The following KISS1 variants were observed in gnomAD, a reference collection of about 807,000 sequenced individuals.
The protein encoded by KISS1 is metastasis-suppressor KiSS-1.
For missense variants in KISS1, 182 were observed against 182.7 expected, an observed-to-expected ratio of 1.00 and a Z score of 0.02; for synonymous variants, 97 against 88.7, an observed-to-expected ratio of 1.09 and a Z score of -0.52.
At chr1:204,195,738 CACACACACACACACAG>C (rs1273530554) in intron 1 of KISS1, among the ~76,000 whole-genome samples, 1 of 146,756 alleles carries the variant, frequency 6.8e-6, no homozygotes, top group Non-Finnish European at 1.5e-5. Flanking sequence ...CACACACACA[CACACACACACACACAG>C]ATTCCACTGC....
chr1:204,190,431 C>CCCCA lies in KISS1; in HGVS notation c.*52_*53insTGGG. The CCCCA allele has an allele frequency of 1.8e-6, 2 of 1,130,780 alleles. No homozygotes were observed. The highest frequency in any genetic ancestry group is 2.6e-6 in the Non-Finnish European group (2 of 780,980). The allele number at this position is 1,130,780 out of a possible 1,614,324, so 70.0% of individuals were successfully genotyped here. ...ACGTCCCCGCCCCCCGCCCCCGCCCCGCATGCTCTGACTCCTTTGGGGTCT... is the reference window on the plus strand; with the variant it reads ...ACGTCCCCGCCCCCCGCCCCCGCCCCCCCAGCATGCTCTGACTCCTTTGGGGTCT... On this transcript the variant is annotated 3_prime_UTR_variant, in exon 3 of 3. Coordinates refer to ENST00000367194, the MANE Select transcript of KISS1 (RefSeq NM_002256.4).
chr1:204,190,536 C>T lies in KISS1; in HGVS notation c.365G>A (p.Gly122Asp). The T allele has an allele frequency of 6.2e-7, 1 of 1,609,084 alleles. No homozygotes were observed. Among genetic ancestry groups the T allele is most frequent in the South Asian group, 1.1e-5 (1 of 90,204 alleles). ...GTTCCCTGGTGCCGCCTCCCGCTTG[C>T]CGAAGCGCAGGCCGAAGGAGTTCCA... is the stretch of plus-strand genomic sequence containing the variant. ...YNWNSFGLRFGKREAAPGNHG... is the reference protein window; with the variant it reads ...YNWNSFGLRFDKREAAPGNHG... The change falls in exon 3 of 3, where the codon GGC (glycine) becomes GAC (aspartate). Residue 122 changes from glycine (G) to aspartate (D), a missense_variant. Gly to Asp is a moderately conservative substitution (Grantham distance 94, BLOSUM62 -1). Coordinates refer to ENST00000367194, the MANE Select transcript of KISS1 (RefSeq NM_002256.4).
In KISS1 at chr1:204,190,716, G is replaced by C; in HGVS notation, c.185C>G (p.Ala62Gly). ...PCTERKPAAT[A>G]RLSRRGTSLS... Reference sequence around the variant, plus strand: ...CGAGGTCCCCCGACGGCTCAGCCTGGCAGTAGCAGCTGGCTTCCTCTCGGT... The same window carrying C: ...CGAGGTCCCCCGACGGCTCAGCCTGCCAGTAGCAGCTGGCTTCCTCTCGGT... Residue 62 changes from alanine (A) to glycine (G), a missense_variant, in exon 3 of 3, where the codon GCC (alanine) becomes GGC (glycine). Coordinates refer to ENST00000367194, the MANE Select transcript of KISS1 (RefSeq NM_002256.4). The C allele has an allele frequency of 1.2e-6, 2 of 1,608,556 alleles. No homozygotes were observed. Among genetic ancestry groups the C allele is most frequent in the Middle Eastern group, 1.7e-4 (1 of 6,036 alleles).
intron 1 of KISS1, among the ~76,000 whole-genome samples, chr1:204,194,656 G>A (rs1658802466): frequency 1.3e-5 from 2 of 152,320 alleles, no homozygotes; most frequent in African/African-American, 4.8e-5. Flanking sequence ...GAATCCACAA[G>A]GGGATATGGG....
intron 1 of KISS1, among the ~76,000 whole-genome samples, chr1:204,194,236 C>T (rs1658797283): frequency 6.6e-6 from 1 of 152,204 alleles, no homozygotes; most frequent in Non-Finnish European, 1.5e-5. Flanking sequence ...ATCTCCAGAC[C>T]TCATTGGTCC....
In KISS1 at chr1:204,192,942, A is replaced by G; in HGVS notation, c.-38-28T>C. 9.0e-7 allele frequency: 1 copy of G among 1,113,888 alleles called. No individual in the cohort carries two copies. The highest frequency in any genetic ancestry group is 1.3e-6 in the Non-Finnish European group (1 of 750,216). The allele number at this position is 1,113,888 out of a possible 1,614,324, so 69.0% of individuals were successfully genotyped here. A position where few individuals can be genotyped will look rare whatever the true frequency, so the allele number is the denominator to read the frequency against. On this transcript the variant is annotated intron_variant, in intron 1 of 2. Transcript: ENST00000367194. The surrounding 1 kb of genome is among the most constrained non-coding windows in gnomAD (Gnocchi z 4.2). ...GAGACAGAGAGAGGGAACAAAGACTAGGTCAGGCACAGGATCTGGGCTGGG... is the reference window on the plus strand; with the variant it reads ...GAGACAGAGAGAGGGAACAAAGACTGGGTCAGGCACAGGATCTGGGCTGGG...
At position 204,190,841 on chromosome 1, in the gene KISS1, G is replaced by C. The variant is rs565996284; in HGVS notation, c.104-44C>G. 34 of 1,537,560 alleles carry C rather than the reference G, an allele frequency of 2.2e-5. No individual in the cohort carries two copies. In the South Asian group the frequency reaches 3.4e-4, roughly 15 times the overall value. On this transcript the variant is annotated intron_variant, in intron 2 of 2. Coordinates refer to ENST00000367194, the MANE Select transcript of KISS1 (RefSeq NM_002256.4). ...AAAGATGAGGCCGGGGTCCGGGAAA[G>C]ATGGCTTTGCAACACCTCCTGTCAT...
At chr1:204,193,695 C>CT (rs1482935902) in intron 1 of KISS1, among the ~76,000 whole-genome samples, 1 of 152,056 alleles carries the variant, frequency 6.6e-6, no homozygotes, top group Non-Finnish European at 1.5e-5. Flanking sequence ...TTTGTGGACT[C>CT]TAAGAGGCTA....
Position 204,190,409 on chromosome 1 carries a change from T to TCCCCCCCCCCCCCCCCCCCCCCCCCCCC in KISS1, c.*74_*75insGGGGGGGGGGGGGGGGGGGGGGGGGGGG. 7.0e-6 allele frequency: 4 copies of TCCCCCCCCCCCCCCCCCCCCCCCCCCCC among 570,138 alleles called. No homozygotes were observed. The highest frequency in any genetic ancestry group is 1.6e-5 in the South Asian group (1 of 62,526). The allele number at this position is 570,138 out of a possible 1,614,324, so 35.3% of individuals were successfully genotyped here. ...CAGCGCCCCCTCCCTTAGCCCTACG[T>TCCCCCCCCCCCCCCCCCCCCCCCCCCCC]CCCCGCCCCCCGCCCCCGCCCCGCA... On this transcript the variant is annotated 3_prime_UTR_variant, in exon 3 of 3. Transcript: ENST00000367194.
rs1387928874 is a variant in KISS1 at position 204,192,363 on chromosome 1, AG to A, written c.103+410del. On this transcript the variant is annotated intron_variant, in intron 2 of 2. Coordinates refer to ENST00000367194, the MANE Select transcript of KISS1 (RefSeq NM_002256.4). The surrounding 1 kb of genome is among the most constrained non-coding windows in gnomAD (Gnocchi z 4.2). ...AGTTCATTGTCTCCAAAAGGTTAAT[AG>A]GTATCAAATATCTGCCCTTTGGTTT... is the stretch of plus-strand genomic sequence containing the variant. 6.6e-6 allele frequency among the ~76,000 whole-genome samples: 1 copy of A among 150,606 alleles called. No individual in the cohort carries two copies. The highest frequency in any genetic ancestry group is 1.5e-5 in the Non-Finnish European group (1 of 67,856).
At chr1:204,195,648 C>T (rs1270924478) in intron 1 of KISS1, among the ~76,000 whole-genome samples, 1 of 150,950 alleles carries the variant, frequency 6.6e-6, no homozygotes, top group Non-Finnish European at 1.5e-5. Context: ...CACACACATA[C>T]ACCACATACA....
In KISS1 at chr1:204,190,430, C is replaced by CCCCCCCG; in HGVS notation, c.*53_*54insCGGGGGG. 1 of 1,079,960 alleles carries CCCCCCCG rather than the reference C, an allele frequency of 9.3e-7. No individual in the cohort carries two copies. Among genetic ancestry groups the CCCCCCCG allele is most frequent in the Non-Finnish European group, 1.4e-6 (1 of 735,304 alleles). 66.9% of individuals were successfully genotyped at this position (1,079,960 alleles called of 1,614,324 possible). On this transcript the variant is annotated 3_prime_UTR_variant, in exon 3 of 3. Transcript: ENST00000367194. ...TACGTCCCCGCCCCCCGCCCCCGCC[C>CCCCCCCG]CGCATGCTCTGACTCCTTTGGGGTC... is the stretch of plus-strand genomic sequence containing the variant.
chr1:204,194,837 T>C (rs926465144), intron 1 of KISS1, among the ~76,000 whole-genome samples: 1 of 152,036 alleles, frequency 6.6e-6, no homozygotes, highest in Non-Finnish European at 1.5e-5. Context: ...TCAGGCCCTC[T>C]AGCTAGACAA....
rs1553307866 is a variant in KISS1 at position 204,190,411 on chromosome 1, C to CT, written c.*72_*73insA. The CT allele has an allele frequency of 1.9e-6, 1 of 537,234 alleles. No individual in the cohort carries two copies. The highest frequency in any genetic ancestry group is 2.6e-5 in the Admixed American group (1 of 37,916). 33.3% of individuals were successfully genotyped at this position (537,234 alleles called of 1,614,324 possible). A position where few individuals can be genotyped will look rare whatever the true frequency, so the allele number is the denominator to read the frequency against. ...GCGCCCCCTCCCTTAGCCCTACGTC[C>CT]CCGCCCCCCGCCCCCGCCCCGCATG... On this transcript the variant is annotated 3_prime_UTR_variant, in exon 3 of 3. Transcript: ENST00000367194.
intron 1 of KISS1, among the ~76,000 whole-genome samples, chr1:204,194,989 G>C (rs1658809895): frequency 6.6e-6 from 1 of 151,978 alleles, no homozygotes; most frequent in East Asian, 1.9e-4. Flanking sequence ...GAAGCAGGGT[G>C]GTGGGCCAGG....
Position 204,192,385 on chromosome 1 carries a change from G to C in KISS1, c.103+389C>G, listed in dbSNP as rs4951318. On this transcript the variant is annotated intron_variant, in intron 2 of 2. Transcript: ENST00000367194. This position sits in a 1 kb window ranked among gnomAD's most constrained non-coding sequence, Gnocchi z 4.2. ...AATAGGTATCAAATATCTGCCCTTT[G>C]GTTTAGGTTTTTTTTTTTTTCCAAA... Among the ~76,000 whole-genome samples the C allele has an allele frequency of 0.29, 43,390 of 150,518 alleles. 6,530 individuals are homozygous for C. The highest frequency in any genetic ancestry group is 0.43 in the East Asian group (2,189 of 5,108).
rs1275631444 is a variant in KISS1, at chr1:204,192,645, T to C, written c.103+129A>G. ...GGACCCCCTCAATGAGTTGCATGTG[T>C]GCCAGTCTTAGATTTCCACCAAATG... is the stretch of plus-strand genomic sequence containing the variant. On this transcript the variant is annotated intron_variant, in intron 2 of 2. Coordinates refer to ENST00000367194, the MANE Select transcript of KISS1 (RefSeq NM_002256.4). This position sits in a 1 kb window ranked among gnomAD's most constrained non-coding sequence, Gnocchi z 4.2. 2.8e-6 allele frequency: 2 copies of C among 705,520 alleles called. No homozygotes were observed. The highest frequency in any genetic ancestry group is 5.2e-6 in the Non-Finnish European group (2 of 384,690). 43.7% of individuals were successfully genotyped at this position (705,520 alleles called of 1,614,324 possible).
In KISS1 at chr1:204,192,401, T is replaced by TC. The variant is rs1276845122; in HGVS notation, c.103+372_103+373insG. 1.3e-5 allele frequency among the ~76,000 whole-genome samples: 2 copies of TC among 151,880 alleles called. No homozygotes were observed. The highest frequency in any genetic ancestry group is 4.8e-5 in the African/African-American group (2 of 41,330). On this transcript the variant is annotated intron_variant, in intron 2 of 2. Coordinates refer to ENST00000367194, the MANE Select transcript of KISS1 (RefSeq NM_002256.4). The surrounding 1 kb of genome is among the most constrained non-coding windows in gnomAD (Gnocchi z 4.2). ...CTGCCCTTTGGTTTAGGTTTTTTTT[T>TC]TTTTCCAAATTCTCCACAAAGAATC...
At chr1:204,195,719 A>T (rs1372135173) in intron 1 of KISS1, among the ~76,000 whole-genome samples, 174 of 37,718 alleles carry the variant, frequency 4.6e-3, no homozygotes, top group African/African-American at 0.022. Flanking sequence ...CACATATCAC[A>T]CACACACACA....
Sources: gnomAD v4.1 joint callset for allele counts (sites outside exome capture counted in the v4.1 genomes callset) on GRCh38, gnomAD v4.1.1 for gene constraint, Gnocchi (gnomAD v3.1) non-coding constraint, MANE v1.5 for transcripts, NCBI Gene and HGNC (gene_info 2026-07-23, HGNC 2026-07-21) for gene names.